The following UBE2L3 variants were observed in gnomAD, a reference collection of about 807,000 sequenced individuals.
The protein encoded by UBE2L3 is ubiquitin-conjugating enzyme E2 L3.
A neutral mutation model predicts 17.8 loss-of-function variants in UBE2L3; 1 was observed. That is an observed-to-expected ratio of 0.06 (90% CI 0.02 to 0.27). The LOEUF (loss-of-function observed/expected upper bound fraction) is 0.27, where lower values mean the gene tolerates loss of function less well. UBE2L3 is among the 10% of genes least tolerant of loss of function. UBE2L3 has a pLI of 1.00. For missense variants in UBE2L3, 40 were observed against 192.6 expected (o/e 0.21, Z 4.69); for synonymous variants, 44 against 68.5 (o/e 0.64, Z 1.76).
chr22:21,612,199 G>T (rs1929514553), intron 3 of UBE2L3, among the ~76,000 whole-genome samples: 3 of 152,214 alleles, frequency 2.0e-5, no homozygotes, highest in Admixed American at 2.0e-4. Flanking sequence ...CTGAGTAGAA[G>T]AAAGGAGTGG....
At chr22:21,620,033 C>T (rs1440476627) in intron 3 of UBE2L3, among the ~76,000 whole-genome samples, 1 of 152,126 alleles carries the variant, frequency 6.6e-6, no homozygotes, top group African/African-American at 2.4e-5. Context: ...GGCTTCATGC[C>T]TGTCATCCTA....
chr22:21,609,763 C>T (rs545070318), intron 2 of UBE2L3, among the ~76,000 whole-genome samples: 5 of 152,156 alleles, frequency 3.3e-5, no homozygotes, highest in South Asian at 4.2e-4. Flanking sequence ...CAGTGGCTCA[C>T]GCTTATAAAC....
chr22:21,604,519 A>G (rs903054641), intron 2 of UBE2L3, among the ~76,000 whole-genome samples: 1 of 152,128 alleles, frequency 6.6e-6, no homozygotes, highest in Non-Finnish European at 1.5e-5. Context: ...TAATGCTAAA[A>G]TCTTTGGTTT....
At chr22:21,606,755 G>T (rs995949942) in intron 2 of UBE2L3, among the ~76,000 whole-genome samples, 1 of 152,214 alleles carries the variant, frequency 6.6e-6, no homozygotes, top group South Asian at 2.1e-4. Context: ...AGGCTGAGGT[G>T]GGAGGATTGC....
intron 1 of UBE2L3, among the ~76,000 whole-genome samples, chr22:21,590,187 C>CTTTATTTT (rs1186335670): frequency 6.6e-6 from 1 of 151,362 alleles, no homozygotes; most frequent in Non-Finnish European, 1.5e-5. Flanking sequence ...ATCATCCCTA[C>CTTTATTTT]TTTATTTTTT....
intron 1 of UBE2L3, chr22:21,555,394 GGGCA>G: frequency 6.5e-6 from 1 of 153,084 alleles, no homozygotes; most frequent in South Asian, 2.1e-4. Context: ...GGGCCAAGGC[GGGCA>G]GGTCACCTGA....
intron 1 of UBE2L3, among the ~76,000 whole-genome samples, chr22:21,578,895 C>T (rs914522649): frequency 1.3e-5 from 2 of 152,096 alleles, no homozygotes; most frequent in African/African-American, 4.8e-5. Context: ...GCCTTTGAGC[C>T]TCAGTGCCCT....
intron 1 of UBE2L3, among the ~76,000 whole-genome samples, chr22:21,572,247 A>T (rs1927008509): frequency 6.6e-6 from 1 of 152,002 alleles, no homozygotes. Flanking sequence ...AGCCTGGCCA[A>T]CATAGTGAAA....
chr22:21,551,932 G>A (rs1926080833), intron 1 of UBE2L3, among the ~76,000 whole-genome samples: 1 of 96,160 alleles, frequency 1.0e-5, no homozygotes, highest in Non-Finnish European at 2.0e-5. Flanking sequence ...TGAGCTGAAG[G>A]AATACACACA....
chr22:21,564,712 T>C (rs1052477431), upstream of UBE2L3, among the ~76,000 whole-genome samples: 3 of 152,216 alleles, frequency 2.0e-5, no homozygotes, highest in African/African-American at 4.8e-5. Flanking sequence ...AGGTATGAAC[T>C]GTGCTTCCTC....
chr22:21,565,325 C>T (rs988251961), upstream of UBE2L3, among the ~76,000 whole-genome samples: 2 of 151,760 alleles, frequency 1.3e-5, no homozygotes, highest in African/African-American at 4.8e-5. Flanking sequence ...ATCTCCTGAC[C>T]TCGTGATCCA....
At chr22:21,590,041 AC>A (rs1280134683) in intron 1 of UBE2L3, among the ~76,000 whole-genome samples, 1 of 151,866 alleles carries the variant, frequency 6.6e-6, no homozygotes, top group African/African-American at 2.4e-5. Context: ...TCCTTTCTGC[AC>A]CCCTGCCCTT....
At chr22:21,582,070 A>C (rs1394734153) in intron 1 of UBE2L3, among the ~76,000 whole-genome samples, 1 of 151,470 alleles carries the variant, frequency 6.6e-6, no homozygotes, top group Admixed American at 6.6e-5. Context: ...CAGCGAGCCA[A>C]GATCGCACCA....
intron 1 of UBE2L3, among the ~76,000 whole-genome samples, chr22:21,557,543 GAC>G (rs1188518285): frequency 1.3e-5 from 2 of 151,164 alleles, no homozygotes; most frequent in African/African-American, 4.9e-5. Flanking sequence ...TTTTTTTTGA[GAC>G]AGAGTCTCGC....
chr22:21,589,349 A>T (rs896851053), intron 1 of UBE2L3, among the ~76,000 whole-genome samples: 4 of 149,998 alleles, frequency 2.7e-5, no homozygotes, highest in Non-Finnish European at 5.9e-5. Context: ...GGGTTTCACC[A>T]TGTTAGCCAG....
chr22:21,596,727 T>C (rs1928546639), intron 2 of UBE2L3, among the ~76,000 whole-genome samples: 1 of 152,150 alleles, frequency 6.6e-6, no homozygotes, highest in Non-Finnish European at 1.5e-5. Flanking sequence ...CCTCAGGTGA[T>C]CCACCCATCT....
upstream of UBE2L3, among the ~76,000 whole-genome samples, chr22:21,565,754 CAAAAAAAAAAAAA>C (rs131662): frequency 0.05 from 1,513 of 30,336 alleles, 65 homozygotes; most frequent in African/African-American, 0.16. Context: ...AACTGTGTCT[CAAAAAAAAAAAAA>C]AAAAAAAAAA....
chr22:21,569,170 C>T (rs1422997325), intron 1 of UBE2L3, among the ~76,000 whole-genome samples: 1 of 151,696 alleles, frequency 6.6e-6, no homozygotes, highest in Non-Finnish European at 1.5e-5. Flanking sequence ...CCGAGGCGGG[C>T]GGATCACTTG....
intron 2 of UBE2L3, among the ~76,000 whole-genome samples, chr22:21,605,111 G>A (rs908508338): frequency 6.6e-6 from 1 of 152,172 alleles, no homozygotes; most frequent in African/African-American, 2.4e-5. Flanking sequence ...GACTACAGGT[G>A]TGCACCAGCA....
Sources: gnomAD v4.1 joint callset for allele counts (sites outside exome capture counted in the v4.1 genomes callset) on GRCh38, gnomAD v4.1.1 for gene constraint, MANE v1.5 for transcripts, NCBI Gene and HGNC (gene_info 2026-07-23, HGNC 2026-07-21) for gene names.